Variants in LUZP1 observed in about 807,000 individuals in gnomAD.
LUZP1 encodes filamin mechanobinding actin cross-linking protein.
LUZP1 carries 25 observed loss-of-function variants against 71.3 expected under a neutral mutation model. That is an observed-to-expected ratio of 0.35 (90% confidence interval 0.26 to 0.49). The LOEUF (loss-of-function observed/expected upper bound fraction) is 0.49, where lower values mean the gene tolerates loss of function less well. Among genes scored for constraint, LUZP1 ranks in the 20% least tolerant of loss-of-function variants. The pLI is 0.99. For synonymous variants in LUZP1, 481 were observed against 506.4 expected, an observed-to-expected ratio of 0.95 and a Z score of 0.67; for missense variants, 1,142 against 1,300.8, an observed-to-expected ratio of 0.88 and a Z score of 1.88.
chr1:23,127,366 C>T (rs1644180208), intron 2 of LUZP1, among the ~76,000 whole-genome samples: 1 of 152,110 alleles, frequency 6.6e-6, no homozygotes, highest in African/African-American at 2.4e-5. Flanking sequence ...ATTCTTAAGG[C>T]TTCTCCCACC....
At chr1:23,154,778 T>C (rs1644409955) in intron 2 of LUZP1, among the ~76,000 whole-genome samples, 1 of 150,244 alleles carries the variant, frequency 6.7e-6, no homozygotes, top group Admixed American at 6.7e-5. Flanking sequence ...GTGGTCTCGA[T>C]CTCCTGGCCT....
In LUZP1 at chr1:23,093,498, G is replaced by A; in HGVS notation, c.764C>T (p.Ser255Leu). ...GTAGTCCAGACCACCCTTCCTTCTT[G>A]ATTCTTTGGACGGCAGTGTGGAAGA... The change falls in exon 4 of 5, where the codon TCA becomes TTA. Residue 255 changes from serine (S) to leucine (L), a missense_variant. Coordinates refer to ENST00000302291, the Ensembl canonical transcript of LUZP1. This position sits in a 1 kb window ranked among gnomAD's most constrained non-coding sequence, Gnocchi z 4.2. 6.2e-7 allele frequency: 1 copy of A among 1,612,416 alleles called. No homozygotes were observed. The highest frequency in any genetic ancestry group is 1.1e-5 in the South Asian group (1 of 90,360).
Position 23,177,573 on chromosome 1 carries a change from G to C in LUZP1, c.-567C>G, listed in dbSNP as rs958816119. 4 of 152,682 alleles carry C rather than the reference G, an allele frequency of 2.6e-5. 1 individual carries two copies. The highest frequency in any genetic ancestry group is 9.6e-5 in the African/African-American group (4 of 41,566). 9.5% of individuals were successfully genotyped at this position (152,682 alleles called of 1,614,324 possible). ...CCCTCCCCAGCCTGGCCCCCGCGGCGTGCGCTCCGTGACGGGTGGGGCGCT... is the reference window on the plus strand; with the variant it reads ...CCCTCCCCAGCCTGGCCCCCGCGGCCTGCGCTCCGTGACGGGTGGGGCGCT... On this transcript the variant is annotated 5_prime_UTR_variant, in exon 1 of 5. Coordinates refer to ENST00000302291, the Ensembl canonical transcript of LUZP1.
intron 1 of LUZP1, among the ~76,000 whole-genome samples, chr1:23,176,993 T>C (rs1490229892): frequency 6.6e-6 from 1 of 151,914 alleles, no homozygotes; most frequent in African/African-American, 2.4e-5. Context: ...GCAATCCTCC[T>C]GTCTCAGCCT....
Position 23,136,295 on chromosome 1 carries a change from A to AACACACACACACAC in LUZP1, c.-225-27182_-225-27169dup, listed in dbSNP as rs10578041. 3.2e-3 allele frequency among the ~76,000 whole-genome samples: 416 copies of AACACACACACACAC among 130,234 alleles called. 1 individual carries two copies. The highest frequency in any genetic ancestry group is 6.5e-3 in the African/African-American group (218 of 33,642). 85.4% of individuals were successfully genotyped at this position (130,234 alleles called of 152,430 possible). On this transcript the variant is annotated intron_variant, in intron 2 of 4. Transcript: ENST00000302291. ...GCTGAGGCGGGCAGATTCCGTCTTA[A>AACACACACACACAC]ACACACACACACACACACACACACA...
In LUZP1 at chr1:23,094,845, T is replaced by G. The variant is rs546863608; in HGVS notation, c.-119-465A>C. Among the ~76,000 whole-genome samples, 2 of 152,346 alleles carry G rather than the reference T, an allele frequency of 1.3e-5. No homozygotes were observed. The highest frequency in any genetic ancestry group is 3.9e-4 in the East Asian group (2 of 5,190). ...AATAAACAATCCTAAGATTTTTTTTTTTAAAGATTATCTCTTATGAGCTAT... is the reference window on the plus strand; with the variant it reads ...AATAAACAATCCTAAGATTTTTTTTGTTAAAGATTATCTCTTATGAGCTAT... On this transcript the variant is annotated intron_variant, in intron 3 of 4. Coordinates refer to ENST00000302291, the Ensembl canonical transcript of LUZP1. The surrounding 1 kb of genome is among the most constrained non-coding windows in gnomAD (Gnocchi z 4.7).
chr1:23,090,432 G>A (rs1358072018), intron 4 of LUZP1: 1 of 169,072 alleles, frequency 5.9e-6, no homozygotes, highest in Non-Finnish European at 1.3e-5. Flanking sequence ...CTGTGTCCAG[G>A]TCCAAGAAGT....
In LUZP1 at chr1:23,177,286, G is replaced by A. The variant is rs376439295; in HGVS notation, c.-485+205C>T. ...ACAACATGTTACACAATTACAAGGGGTTCACAGACCTCTGAGAGGACATCG... is the reference window on the plus strand; with the variant it reads ...ACAACATGTTACACAATTACAAGGGATTCACAGACCTCTGAGAGGACATCG... On this transcript the variant is annotated intron_variant, in intron 1 of 4. Transcript: ENST00000302291. Among the ~76,000 whole-genome samples, 4 of 152,244 alleles carry A rather than the reference G, an allele frequency of 2.6e-5. No homozygotes were observed. The East Asian group carries it at 7.7e-4, about 29-fold the overall frequency.
chr1:23,088,460 A>C lies in LUZP1; in HGVS notation c.*435T>G, dbSNP rs187947352. Reference sequence around the variant, plus strand: ...ATGGGGTACTTGAGCCCATTGGGCAAATGAGGAGTGAAGTGGATATAGTGA... The same window carrying C: ...ATGGGGTACTTGAGCCCATTGGGCACATGAGGAGTGAAGTGGATATAGTGA... On this transcript the variant is annotated 3_prime_UTR_variant, in exon 5 of 5. Transcript: ENST00000302291. 893 of 157,284 alleles carry C rather than the reference A, an allele frequency of 5.7e-3. 13 individuals carry two copies. The highest frequency in any genetic ancestry group is 7.5e-3 in the Non-Finnish European group (534 of 71,086). 9.7% of individuals were successfully genotyped at this position (157,284 alleles called of 1,614,324 possible). A position where few individuals can be genotyped will look rare whatever the true frequency, so the allele number is the denominator to read the frequency against.
At chr1:23,130,847 C>T (rs370186455) in intron 2 of LUZP1, among the ~76,000 whole-genome samples, 1 of 152,046 alleles carries the variant, frequency 6.6e-6, no homozygotes, top group African/African-American at 2.4e-5. Context: ...TCTCTGAGAC[C>T]TCTCACTCAA....
chr1:23,094,333 T>C lies in LUZP1; in HGVS notation c.-72A>G. On this transcript the variant is annotated 5_prime_UTR_variant, in exon 4 of 5. Transcript: ENST00000302291. This position sits in a 1 kb window ranked among gnomAD's most constrained non-coding sequence, Gnocchi z 4.7. ...CAAGGGGATGAGAAATGGTTACCTTTCTCTTGGCAACCACAATCTTCTTTG... is the reference window on the plus strand; with the variant it reads ...CAAGGGGATGAGAAATGGTTACCTTCCTCTTGGCAACCACAATCTTCTTTG... 1 of 1,507,958 alleles carries C rather than the reference T, an allele frequency of 6.6e-7. No individual in the cohort carries two copies. The highest frequency in any genetic ancestry group is 1.4e-5 in the South Asian group (1 of 71,824). 93.4% of individuals were successfully genotyped at this position (1,507,958 alleles called of 1,614,324 possible).
intron 3 of LUZP1, among the ~76,000 whole-genome samples, chr1:23,103,412 A>G (rs1350629962): frequency 6.6e-6 from 1 of 152,188 alleles, no homozygotes; most frequent in African/African-American, 2.4e-5. Context: ...CGCAAACTCA[A>G]GAGTGAGGGA....
intron 2 of LUZP1, among the ~76,000 whole-genome samples, chr1:23,155,469 A>G (rs886742334): frequency 6.6e-6 from 1 of 152,206 alleles, no homozygotes; most frequent in Non-Finnish European, 1.5e-5. Flanking sequence ...TTAGGGACTT[A>G]GTTTTTTCCT....
At chr1:23,160,893 G>A (rs934763742) in intron 2 of LUZP1, among the ~76,000 whole-genome samples, 1 of 152,166 alleles carries the variant, frequency 6.6e-6, no homozygotes, top group Non-Finnish European at 1.5e-5. Context: ...TAAGATATGT[G>A]ATAGTGTGAT....
At chr1:23,114,760 T>C (rs1644064296) in intron 2 of LUZP1, among the ~76,000 whole-genome samples, 1 of 152,208 alleles carries the variant, frequency 6.6e-6, no homozygotes, top group African/African-American at 2.4e-5. Context: ...ACCCTCTAAG[T>C]GTAGAGAAAC....
At chr1:23,103,162 C>T (rs1643944994) in intron 3 of LUZP1, among the ~76,000 whole-genome samples, 1 of 151,184 alleles carries the variant, frequency 6.6e-6, no homozygotes. Context: ...GTCCCAAACT[C>T]CTGGACTCAA....
exon 2 of LUZP1, chr1:23,168,794 A>T (rs1569719715): frequency 6.6e-6 from 1 of 152,070 alleles, no homozygotes; most frequent in Non-Finnish European, 1.5e-5. Context: ...CGCTCCCGCC[A>T]GCGAAGGGTT....
intron 2 of LUZP1, among the ~76,000 whole-genome samples, chr1:23,120,838 C>T (rs573058208): frequency 6.6e-6 from 1 of 152,260 alleles, no homozygotes; most frequent in South Asian, 2.1e-4. Flanking sequence ...TAAAGGAGGG[C>T]TTTCATATTT....
At chr1:23,103,138 T>G (rs1278494760) in intron 3 of LUZP1, among the ~76,000 whole-genome samples, 1 of 151,294 alleles carries the variant, frequency 6.6e-6, no homozygotes, top group African/African-American at 2.4e-5. Context: ...GGGGTCTCTA[T>G]GCTGACCAGG....
Sources: gnomAD v4.1 joint callset for allele counts (sites outside exome capture counted in the v4.1 genomes callset) on GRCh38, gnomAD v4.1.1 for gene constraint, Gnocchi (gnomAD v3.1) non-coding constraint, MANE v1.5 for transcripts, NCBI Gene and HGNC (gene_info 2026-07-23, HGNC 2026-07-21) for gene names.